COL26A1: variants seen among roughly 807,000 people sequenced by gnomAD.
COL26A1 encodes the protein collagen type XXVI alpha 1 chain, also known as collagen alpha-1(XXVI) chain.
Under a neutral mutation model 59.3 loss-of-function variants are expected in COL26A1, and 41 were observed. That is an observed-to-expected ratio of 0.69 (90% CI 0.54 to 0.90). The LOEUF (loss-of-function observed/expected upper bound fraction) is 0.90. Among genes scored for constraint, COL26A1 ranks in the 40% least tolerant of loss-of-function variants. COL26A1 has a pLI of 0.00. For synonymous variants in COL26A1, 266 were observed against 256.0 expected (o/e 1.04, Z -0.37); for missense variants, 612 against 602.3 (o/e 1.02, Z -0.17).
chr7:101,501,921 C>T (rs901826743), intron 3 of COL26A1, among the ~76,000 whole-genome samples: 4 of 152,104 alleles, frequency 2.6e-5, no homozygotes, highest in Admixed American at 1.3e-4. Context: ...ATAGTGAGTA[C>T]ATGTACATGG....
intron 1 of COL26A1, among the ~76,000 whole-genome samples, chr7:101,386,064 A>G (rs1243755456): frequency 6.6e-6 from 1 of 152,164 alleles, no homozygotes; most frequent in Non-Finnish European, 1.5e-5. Context: ...AAAAAACCTC[A>G]AAACCTTGTT....
At chr7:101,508,636 C>T (rs557746258) in intron 3 of COL26A1, among the ~76,000 whole-genome samples, 5 of 152,058 alleles carry the variant, frequency 3.3e-5, no homozygotes, top group South Asian at 4.2e-4. Context: ...AAAGCATGCC[C>T]GGGCACAGAG....
chr7:101,452,125 C>T (rs773433554), intron 3 of COL26A1, among the ~76,000 whole-genome samples: 7 of 152,190 alleles, frequency 4.6e-5, no homozygotes, highest in Non-Finnish European at 5.9e-5. Context: ...TCATACGGCA[C>T]GTGGGCAGGC....
At chr7:101,475,932 CTCTT>C (rs1162632054) in intron 3 of COL26A1, among the ~76,000 whole-genome samples, 3 of 146,558 alleles carry the variant, frequency 2.0e-5, no homozygotes, top group Non-Finnish European at 4.5e-5. Context: ...CTTTCTCTCT[CTCTT>C]TCTTTCTTCT....
chr7:101,450,161 G>A (rs1052427653), intron 3 of COL26A1, among the ~76,000 whole-genome samples: 7 of 151,878 alleles, frequency 4.6e-5, no homozygotes, highest in African/African-American at 1.7e-4. Context: ...AAATGAGCTA[G>A]GGAAGAGACA....
At chr7:101,369,543 G>A (rs895565434) in intron 1 of COL26A1, among the ~76,000 whole-genome samples, 7 of 145,546 alleles carry the variant, frequency 4.8e-5, no homozygotes, top group Non-Finnish European at 9.0e-5. Context: ...CTGCCTCCCG[G>A]GTTCAGGCCA....
intron 3 of COL26A1, among the ~76,000 whole-genome samples, chr7:101,471,332 G>T (rs1032008674): frequency 2.0e-5 from 3 of 152,168 alleles, no homozygotes; most frequent in Admixed American, 2.0e-4. Context: ...CTGTGTGAGT[G>T]TGTTACCGGA....
At chr7:101,509,405 C>T (rs550597517) in intron 3 of COL26A1, among the ~76,000 whole-genome samples, 24 of 152,186 alleles carry the variant, frequency 1.6e-4, no homozygotes, top group African/African-American at 5.3e-4. Context: ...GAGATCGTGC[C>T]ACTGTACTCC....
chr7:101,440,461 C>T (rs959026179), intron 2 of COL26A1, among the ~76,000 whole-genome samples: 5 of 152,178 alleles, frequency 3.3e-5, no homozygotes, highest in East Asian at 3.9e-4. Context: ...CAGCCTCCCT[C>T]GGGTTTTTTT....
At chr7:101,521,243 G>A (rs562558803) in intron 3 of COL26A1, among the ~76,000 whole-genome samples, 71 of 152,252 alleles carry the variant, frequency 4.7e-4, no homozygotes, top group Middle Eastern at 6.8e-3. Context: ...ACCTCCCACC[G>A]TGTCCCTCCC....
At chr7:101,480,314 T>G (rs1794128657) in intron 3 of COL26A1, among the ~76,000 whole-genome samples, 1 of 152,190 alleles carries the variant, frequency 6.6e-6, no homozygotes, top group African/African-American at 2.4e-5. Context: ...TTAATTATTA[T>G]TATTCTAATT....
chr7:101,528,447 C>T lies in COL26A1; in HGVS notation c.386-4635C>T, dbSNP rs115130870. Among the ~76,000 whole-genome samples, 1,300 of 152,158 alleles carry T rather than the reference C, an allele frequency of 8.5e-3. 18 individuals carry two copies. Among genetic ancestry groups the T allele is most frequent in the African/African-American group, 0.03 (1,254 of 41,518 alleles). On this transcript the variant is annotated intron_variant, in intron 3 of 12. Coordinates refer to ENST00000313669, the MANE Select transcript of COL26A1 (RefSeq NM_001278563.3). ...ACCTCCTCCTCCTCTTCCCTCAGGC[C>T]CCAAGGGTGGGGTGGTGTCTTCCTG... is the stretch of plus-strand genomic sequence containing the variant.
chr7:101,527,625 C>T (rs562740396), intron 3 of COL26A1, among the ~76,000 whole-genome samples: 6 of 152,286 alleles, frequency 3.9e-5, no homozygotes, highest in East Asian at 3.9e-4. Context: ...TGAGCCACCA[C>T]GCCAGCCTGT....
intron 3 of COL26A1, among the ~76,000 whole-genome samples, chr7:101,480,384 C>G (rs1243407623): frequency 6.6e-6 from 1 of 152,040 alleles, no homozygotes; most frequent in African/African-American, 2.4e-5. Flanking sequence ...CTTCTTTTAG[C>G]TCTTTGATAT....
chr7:101,484,635 C>T (rs1006282680), intron 3 of COL26A1, among the ~76,000 whole-genome samples: 3 of 151,792 alleles, frequency 2.0e-5, no homozygotes, highest in African/African-American at 7.3e-5. Context: ...TCCCAAAGTG[C>T]TGGAATTACA....
chr7:101,472,721 C>T (rs1426065599), intron 3 of COL26A1, among the ~76,000 whole-genome samples: 5 of 152,176 alleles, frequency 3.3e-5, no homozygotes, highest in Admixed American at 6.5e-5. Flanking sequence ...ATCGCATTTA[C>T]GAAGTGCCCA....
rs916686494 is a variant in COL26A1 at position 101,420,050 on chromosome 7, C to T, written c.232C>T (p.Arg78Cys). Reference protein sequence around the residue: ...VQNGSETVVQRVYQSCRWPGP... With the variant: ...VQNGSETVVQCVYQSCRWPGP... ...GAATGGCTCGGAGACGGTGGTCCAG[C>T]GCGTGTACCAGAGCTGCCGGTGGCC... The change falls in exon 2 of 13, where the codon CGC (arginine) becomes TGC (cysteine). Residue 78 changes from arginine (R) to cysteine (C), a missense_variant. Transcript: ENST00000313669. 33 of 1,612,934 alleles carry T rather than the reference C, an allele frequency of 2.0e-5. No individual in the cohort carries two copies. Among genetic ancestry groups the T allele is most frequent in the Middle Eastern group, 1.6e-4 (1 of 6,072 alleles).
chr7:101,489,883 TTTCTTTCTTTCTTTCTTTCTTTC>T, intron 3 of COL26A1, among the ~76,000 whole-genome samples: 3 of 67,640 alleles, frequency 4.4e-5, no homozygotes, highest in Non-Finnish European at 6.2e-5. Context: ...TCTTTCTTTC[TTTCTTTCTTTCTTTCTTTCTTTC>T]TTTCTTTCTT....
chr7:101,463,208 C>T (rs1265723860), intron 3 of COL26A1, among the ~76,000 whole-genome samples: 1 of 152,166 alleles, frequency 6.6e-6, no homozygotes, highest in Non-Finnish European at 1.5e-5. Flanking sequence ...AAATCTCCAC[C>T]CCTTTTTCAT....
Sources: allele counts gnomAD v4.1 joint callset (sites outside exome capture counted in the v4.1 genomes callset), GRCh38; gene constraint gnomAD v4.1.1; transcripts MANE v1.5; gene names NCBI Gene and HGNC (gene_info 2026-07-23, HGNC 2026-07-21).